The following SLC26A9 variants were observed in gnomAD, a reference collection of about 807,000 sequenced individuals.
SLC26A9 encodes the protein solute carrier family 26 member 9.
A neutral mutation model predicts 87.1 loss-of-function variants in SLC26A9; 46 were observed. The observed-to-expected ratio is 0.53, with a 90% CI of 0.42 to 0.67. The LOEUF is 0.67. Among genes scored for constraint, SLC26A9 ranks in the 30% least tolerant of loss-of-function variants. The pLI, the probability that SLC26A9 is intolerant of heterozygous loss-of-function variation, is 0.00. For missense variants in SLC26A9, 927 were observed against 1,018.3 expected (o/e 0.91, Z 1.22); for synonymous variants, 437 against 409.1 (o/e 1.07, Z -0.82).
rs1658449683 is a variant in SLC26A9, at chr1:205,913,391, C to T, written c.*1966G>A. The T allele has an allele frequency of 6.6e-6, 1 of 152,648 alleles. No individual in the cohort carries two copies. Among genetic ancestry groups the T allele is most frequent in the Non-Finnish European group, 1.5e-5 (1 of 68,062 alleles). The allele number at this position is 152,648 out of a possible 1,614,324, so 9.5% of individuals were successfully genotyped here. On this transcript the variant is annotated 3_prime_UTR_variant, in exon 21 of 21. Transcript: ENST00000367135. ...ACCCTCAGACATGTGGCAGATCTCTCCCTGAGCCTCAACTCCAGGTCACTG... is the reference window on the plus strand; with the variant it reads ...ACCCTCAGACATGTGGCAGATCTCTTCCTGAGCCTCAACTCCAGGTCACTG...
intron 18 of SLC26A9, among the ~76,000 whole-genome samples, chr1:205,919,835 C>T (rs931442308): frequency 6.6e-6 from 1 of 152,110 alleles, no homozygotes; most frequent in Non-Finnish European, 1.5e-5. Context: ...CTAGTCAACC[C>T]TCTCGTTTTA....
At position 205,929,299 on chromosome 1, in the gene SLC26A9, C is replaced by T. The variant is rs757111482; in HGVS notation, c.775G>A (p.Ala259Thr). 2.5e-6 allele frequency: 4 copies of T among 1,614,186 alleles called. No individual in the cohort carries two copies. The highest frequency in any genetic ancestry group is 2.2e-5 in the East Asian group (1 of 44,878). The change falls in exon 7 of 21, where the codon GCT becomes ACT. Residue 259 changes from alanine (A) to threonine (T), a missense_variant. Ala to Thr is a moderately conservative substitution (Grantham distance 58). Transcript: ENST00000367135. ...ACCAGGAAGGCACCGCTGATGAGAG[C>T]GAAGATGAGCGAGGCGATGTTGGTG... is the stretch of plus-strand genomic sequence containing the variant. The part of the protein sequence containing the change: ...PHTNIASLIF[A>T]LISGAFLVLV...
Position 205,928,005 on chromosome 1 carries a change from A to C in SLC26A9, c.998T>G (p.Met333Arg). ...VSPVVSQWKDMIGTAFSLAIV... is the reference protein window; with the variant it reads ...VSPVVSQWKDRIGTAFSLAIV... Reference sequence around the variant, plus strand: ...GGCTAGGGAGAAGGCTGTGCCTATCATGTCCTTCCACTGTGAGACCACAGG... The same window carrying C: ...GGCTAGGGAGAAGGCTGTGCCTATCCTGTCCTTCCACTGTGAGACCACAGG... Residue 333 changes from methionine to arginine, a missense_variant, in exon 9 of 21, where the codon ATG becomes AGG. Met to Arg is a moderately conservative substitution (Grantham distance 91). Coordinates refer to ENST00000367135, the MANE Select transcript of SLC26A9 (RefSeq NM_052934.4). 6.2e-7 allele frequency: 1 copy of C among 1,614,134 alleles called. No homozygotes were observed. The highest frequency in any genetic ancestry group is 8.5e-7 in the Non-Finnish European group (1 of 1,179,998).
chr1:205,913,904 C>T lies in SLC26A9; in HGVS notation c.*1453G>A, dbSNP rs1658470519. 1 of 152,200 alleles carries T rather than the reference C, an allele frequency of 6.6e-6. No homozygotes were observed. The highest frequency in any genetic ancestry group is 1.5e-5 in the Non-Finnish European group (1 of 68,040). The allele number at this position is 152,200 out of a possible 1,614,324, so 9.4% of individuals were successfully genotyped here. A position where few individuals can be genotyped will look rare whatever the true frequency, so the allele number is the denominator to read the frequency against. On this transcript the variant is annotated 3_prime_UTR_variant, in exon 21 of 21. Coordinates refer to ENST00000367135, the MANE Select transcript of SLC26A9 (RefSeq NM_052934.4). ...CTGAAGTTAGAAATGGGGATGTTTT[C>T]CTAGGCTGGGCCAGCCCAACCTGTT...
intron 18 of SLC26A9, among the ~76,000 whole-genome samples, chr1:205,919,936 T>C (rs774176272): frequency 6.6e-6 from 1 of 152,148 alleles, no homozygotes; most frequent in Admixed American, 6.5e-5. Flanking sequence ...ATCCTAGCTG[T>C]CCTTCTGTAA....
intron 1 of SLC26A9, among the ~76,000 whole-genome samples, chr1:205,939,585 T>C (rs904749729): frequency 1.3e-5 from 2 of 151,768 alleles, no homozygotes; most frequent in East Asian, 3.9e-4. Flanking sequence ...GGGTACTTCA[T>C]CCCCAGCCAG....
chr1:205,926,767 T>C, intron 11 of SLC26A9, 137 bp from the exon 12 acceptor site: 1 of 720,530 alleles, frequency 1.4e-6, no homozygotes, highest in Non-Finnish European at 2.4e-6. Context: ...CCCAAATCTC[T>C]GCATTCGACC....
chr1:205,920,008 C>T (rs1034277624), intron 18 of SLC26A9, among the ~76,000 whole-genome samples, 168 bp downstream of exon 18: 13 of 152,168 alleles, frequency 8.5e-5, no homozygotes, highest in Admixed American at 6.5e-5. Flanking sequence ...TGCAATCTGA[C>T]CAGTCTCTTT....
At chr1:205,933,774 T>G (rs917247476) in intron 2 of SLC26A9, among the ~76,000 whole-genome samples, 6 of 152,178 alleles carry the variant, frequency 3.9e-5, no homozygotes, top group Non-Finnish European at 8.8e-5. Context: ...ATACCGGAGT[T>G]CTTTCTCCTG....
rs776441919 is a variant in SLC26A9 at position 205,935,661 on chromosome 1, A to G, written c.125+35T>C. The G allele has an allele frequency of 2.2e-5, 36 of 1,613,068 alleles. No homozygotes were observed. The Admixed American group carries it at 3.5e-4, about 16-fold the overall frequency. ...TGCAGAAAGGATTTTGGTAGGGAGC[A>G]GAGGAGGCAGAAGTCTGGGCTCTGG... On this transcript the variant is annotated intron_variant, in intron 2 of 20. Transcript: ENST00000367135.
At chr1:205,923,681 T>A in intron 13 of SLC26A9, 68 bp from the exon 14 acceptor site, 3 of 1,572,734 alleles carry the variant, frequency 1.9e-6, no homozygotes, top group Non-Finnish European at 2.6e-6. Flanking sequence ...AGGGTGCCCC[T>A]GCTGGGGCGG....
chr1:205,926,507 C>A (rs1571741245), intron 12 of SLC26A9, 28 bp downstream of exon 12: 1 of 1,591,330 alleles, frequency 6.3e-7, no homozygotes, highest in South Asian at 1.1e-5. Context: ...GGGGCATGGC[C>A]AGTACCCAGA....
rs1444100296 is a variant in SLC26A9 at position 205,924,440 on chromosome 1, T to C, written c.1439A>G (p.Tyr480Cys). ...GAAGGCGACACCCACTGCCACACCA[T>C]AGGGCAGGCTGAGGAAGAAGGAGGA... ...FLSSFFLSLP[Y>C]GVAVGVAFSV... The change falls in exon 13 of 21, where the codon TAT becomes TGT. Residue 480 changes from tyrosine (Y) to cysteine (C), a missense_variant. Transcript: ENST00000367135. 3.1e-6 allele frequency: 5 copies of C among 1,614,004 alleles called. No individual in the cohort carries two copies. The highest frequency in any genetic ancestry group is 3.4e-6 in the Non-Finnish European group (4 of 1,180,026).
chr1:205,924,298 TA>T, intron 13 of SLC26A9, 84 bp downstream of exon 13: 1 of 1,320,112 alleles, frequency 7.6e-7, no homozygotes, highest in Non-Finnish European at 1.1e-6. Context: ...TACAGTGGAC[TA>T]AGCCAGGCCG....
rs774861999 is a variant in SLC26A9, at chr1:205,923,346, C to A, written c.1648G>T (p.Val550Phe). The A allele has an allele frequency of 5.6e-6, 9 of 1,614,148 alleles. No homozygotes were observed. Among genetic ancestry groups the A allele is most frequent in the South Asian group, 5.5e-5 (5 of 91,086 alleles). The change falls in exon 15 of 21, where the codon GTC becomes TTC. Residue 550 changes from valine (V) to phenylalanine (F), a missense_variant. Physicochemically the swap from Val to Phe is conservative, Grantham distance 50 (BLOSUM62 -1). Transcript: ENST00000367135. Reference sequence around the variant, plus strand: ...GGACTGAGCCTTACCTTGGCGATGACCTTTTGCCTGAAGATCTCTGAGTTG... The same window carrying A: ...GGACTGAGCCTTACCTTGGCGATGAACTTTTGCCTGAAGATCTCTGAGTTG... ...FANSEIFRQK[V>F]IAKTGMDPQK...
chr1:205,930,167 C>T, intron 5 of SLC26A9, 111 bp from the exon 6 acceptor site: 1 of 1,231,268 alleles, frequency 8.1e-7, no homozygotes, highest in Non-Finnish European at 1.1e-6. Flanking sequence ...CCTAGCGTAG[C>T]AGTAGCTTGA....
At chr1:205,922,758 C>T (rs1389162501) in intron 16 of SLC26A9, among the ~76,000 whole-genome samples, 1 of 152,144 alleles carries the variant, frequency 6.6e-6, no homozygotes, top group Non-Finnish European at 1.5e-5. Flanking sequence ...CAAAAATTAG[C>T]TGGGTGTGGT....
chr1:205,919,789 CAG>C (rs747218203), intron 18 of SLC26A9, among the ~76,000 whole-genome samples: 5 of 152,168 alleles, frequency 3.3e-5, no homozygotes, highest in Non-Finnish European at 7.3e-5. Flanking sequence ...TATCGATTCA[CAG>C]AGTTTCTGAT....
chr1:205,917,017 C>T (rs868443938), intron 20 of SLC26A9, among the ~76,000 whole-genome samples: 3 of 150,702 alleles, frequency 2.0e-5, no homozygotes, highest in Non-Finnish European at 2.9e-5. Context: ...CTCTGGAACC[C>T]GGGAGGCAGA....
Sources: allele counts gnomAD v4.1 joint callset (sites outside exome capture counted in the v4.1 genomes callset), GRCh38; gene constraint gnomAD v4.1.1; transcripts MANE v1.5; gene names NCBI Gene and HGNC (gene_info 2026-07-23, HGNC 2026-07-21).